Variants in LRCH1 observed in about 807,000 individuals in gnomAD.
The protein encoded by LRCH1 is leucine-rich repeat and calponin homology domain-containing protein 1.
A neutral mutation model predicts 94.9 loss-of-function variants in LRCH1; 23 were observed. That is an observed-to-expected ratio of 0.24 (90% confidence interval 0.17 to 0.34). LRCH1 has a LOEUF of 0.34. Among genes scored for constraint, LRCH1 ranks in the 10% least tolerant of loss-of-function variants. The pLI is 1.00. For missense variants in LRCH1, 790 were observed against 945.9 expected (o/e 0.84, Z 2.16); for synonymous variants, 364 against 354.9 (o/e 1.03, Z -0.29).
Position 46,701,149 on chromosome 13 carries a change from G to A in LRCH1, c.1342G>A (p.Asp448Asn). Residue 448 changes from aspartate to asparagine, a missense_variant, in exon 11 of 20, where the codon GAT (aspartate) becomes AAT (asparagine). By Grantham distance (23) the Asp-to-Asn change is conservative. Coordinates refer to ENST00000389797, the MANE Select transcript of LRCH1 (RefSeq NM_001164211.2). ...AAGTTCATCCAAAGATCAGGACATG[G>A]ATATAGCAATGATCGAGCAGCTGAG... is the stretch of plus-strand genomic sequence containing the variant. ...IISSSKDQDM[D>N]IAMIEQLREA... 1.2e-6 allele frequency: 2 copies of A among 1,613,620 alleles called. No homozygotes were observed. Among genetic ancestry groups the A allele is most frequent in the East Asian group, 4.5e-5 (2 of 44,858 alleles).
chr13:46,718,984 G>C (rs1872459955), intron 16 of LRCH1, among the ~76,000 whole-genome samples: 1 of 33,048 alleles, frequency 3.0e-5, no homozygotes, highest in Non-Finnish European at 8.4e-5. Flanking sequence ...TTCTTTCTTT[G>C]CTTGACTCAA....
chr13:46,574,822 GTTTTTTT>G (rs754195815), intron 1 of LRCH1, among the ~76,000 whole-genome samples: 1 of 69,424 alleles, frequency 1.4e-5, no homozygotes, highest in Admixed American at 1.4e-4. Flanking sequence ...TGTGTGTGGG[GTTTTTTT>G]TTTTTTTTTT....
chr13:46,744,827 G>C lies in LRCH1; in HGVS notation c.*2979G>C, dbSNP rs1306628030. The C allele has an allele frequency of 3.1e-6, 3 of 983,410 alleles. No individual in the cohort carries two copies. The highest frequency in any genetic ancestry group is 3.5e-5 in the African/African-American group (2 of 57,118). 60.9% of individuals were successfully genotyped at this position (983,410 alleles called of 1,614,324 possible). On this transcript the variant is annotated 3_prime_UTR_variant, in exon 20 of 20. Coordinates refer to ENST00000389797, the MANE Select transcript of LRCH1 (RefSeq NM_001164211.2). ...ATACTTTAATATGATTTTATTTCAG[G>C]AGACTTGATTTTTAAAAATTAGGCT...
At position 46,687,895 on chromosome 13, in the gene LRCH1, T is replaced by C; in HGVS notation, c.866T>C (p.Ile289Thr). ...GTTCACATATTTAAGTATCTGAGCATACAAGCATGCCAGATTAAGACAGCT... is the reference window on the plus strand; with the variant it reads ...GTTCACATATTTAAGTATCTGAGCACACAAGCATGCCAGATTAAGACAGCT... Reference protein sequence around the residue: ...GKVHIFKYLSIQACQIKTADS... With the variant: ...GKVHIFKYLSTQACQIKTADS... The change falls in exon 6 of 20, where the codon ATA (isoleucine) becomes ACA (threonine). Residue 289 changes from isoleucine (I) to threonine (T), a missense_variant. Coordinates refer to ENST00000389797, the MANE Select transcript of LRCH1 (RefSeq NM_001164211.2). 6.2e-7 allele frequency: 1 copy of C among 1,613,240 alleles called. No individual in the cohort carries two copies. Among genetic ancestry groups the C allele is most frequent in the Non-Finnish European group, 8.5e-7 (1 of 1,179,466 alleles).
At chr13:46,723,955 A>G (rs1872700343) in intron 17 of LRCH1, among the ~76,000 whole-genome samples, 1 of 152,088 alleles carries the variant, frequency 6.6e-6, no homozygotes, top group Admixed American at 6.6e-5. Flanking sequence ...TTATTTACTT[A>G]ATAATATTAA....
chr13:46,679,362 A>G lies in LRCH1; in HGVS notation c.580-2379A>G, dbSNP rs2051720010. The stretch of plus-strand genomic sequence containing the variant: ...GGCAAAGAAAGCTTTCATTGAAAGC[A>G]TTTGATTGTTGGCTCTTGTGACTGA... On this transcript the variant is annotated intron_variant, in intron 3 of 19. Coordinates refer to ENST00000389797, the MANE Select transcript of LRCH1 (RefSeq NM_001164211.2). Among the ~76,000 whole-genome samples the G allele has an allele frequency of 2.0e-5, 3 of 152,352 alleles. No individual in the cohort carries two copies. The South Asian group carries it at 6.2e-4, about 32-fold the overall frequency.
In LRCH1 at chr13:46,723,279, G is replaced by A; in HGVS notation, c.1818G>A (p.Arg606=). The A allele has an allele frequency of 6.2e-7, 1 of 1,613,944 alleles. No homozygotes were observed. The highest frequency in any genetic ancestry group is 2.2e-5 in the East Asian group (1 of 44,872). Residue 606 remains arginine (R), a synonymous_variant, in exon 17 of 20, where the codon AGG becomes AGA. Transcript: ENST00000389797. ...ESIDPQFTIR[R]KMEQMREEKE... ...TAGACCCGCAGTTTACAATCCGGAG[G>A]AAAATGGAGCAGATGAGAGAAGAGA...
chr13:46,641,553 T>A (rs56737291), intron 1 of LRCH1, among the ~76,000 whole-genome samples: 13,114 of 152,224 alleles, frequency 0.086, 666 homozygotes, highest in Middle Eastern at 0.16. Context: ...CATTTGGTCT[T>A]CCTCTGTGGA....
rs761120928 is a variant in LRCH1 at position 46,705,081 on chromosome 13, A to G, written c.1414A>G (p.Ile472Val). 4.4e-6 allele frequency: 7 copies of G among 1,583,782 alleles called. No homozygotes were observed. The African/African-American group carries it at 8.1e-5, about 18-fold the overall frequency. ...LQDPNGLSTDITERSVLNLYP... is the reference protein window; with the variant it reads ...LQDPNGLSTDVTERSVLNLYP... ...CCTACTCTTTAGATTAAGCACAGAT[A>G]TTACAGAGAGAAGTGTTTTAAACCT... is the stretch of plus-strand genomic sequence containing the variant. The change falls in exon 12 of 20, where the codon ATT (isoleucine) becomes GTT (valine). Residue 472 changes from isoleucine to valine, a missense_variant. By Grantham distance (29) the Ile-to-Val change is conservative. Around this residue, in one of 3 missense-constraint regions of LRCH1, gnomAD observed 460 missense variants for 508.9 expected, o/e 0.90. Coordinates refer to ENST00000389797, the MANE Select transcript of LRCH1 (RefSeq NM_001164211.2).
intron 1 of LRCH1, among the ~76,000 whole-genome samples, chr13:46,556,055 A>G (rs76703226): frequency 3.3e-5 from 5 of 152,244 alleles, no homozygotes; most frequent in Non-Finnish European, 5.9e-5. Flanking sequence ...TCCTTGACTC[A>G]TATTTACTTT....
intron 4 of LRCH1, among the ~76,000 whole-genome samples, chr13:46,684,985 G>A (rs1870531445): frequency 6.6e-6 from 1 of 152,184 alleles, no homozygotes; most frequent in African/African-American, 2.4e-5. Flanking sequence ...AGTGTCTTCA[G>A]TTACTCTTCT....
intron 1 of LRCH1, among the ~76,000 whole-genome samples, chr13:46,631,791 A>G (rs1486688290): frequency 1.3e-5 from 2 of 152,180 alleles, no homozygotes; most frequent in Non-Finnish European, 2.9e-5. Context: ...CACTAAACAC[A>G]ATCACAAGTT....
intron 1 of LRCH1, among the ~76,000 whole-genome samples, chr13:46,620,500 G>A (rs543010289): frequency 6.6e-6 from 1 of 152,264 alleles, no homozygotes; most frequent in Non-Finnish European, 1.5e-5. Flanking sequence ...TAAAATGAAA[G>A]TCTGTAGTAT....
At chr13:46,736,632 T>C (rs1165488905) in intron 19 of LRCH1, among the ~76,000 whole-genome samples, 1 of 152,240 alleles carries the variant, frequency 6.6e-6, no homozygotes, top group Non-Finnish European at 1.5e-5. Context: ...ATATCATTAC[T>C]TTTTCTTGTT....
At chr13:46,641,150 G>A (rs1184816895) in intron 1 of LRCH1, among the ~76,000 whole-genome samples, 3 of 152,134 alleles carry the variant, frequency 2.0e-5, no homozygotes, top group Admixed American at 2.0e-4. Flanking sequence ...TAGAGGAGTG[G>A]GAAGTGAGGG....
chr13:46,718,905 T>C (rs1872456881), intron 16 of LRCH1, among the ~76,000 whole-genome samples: 1 of 152,278 alleles, frequency 6.6e-6, no homozygotes, highest in Non-Finnish European at 1.5e-5. Flanking sequence ...ATATTTTTCA[T>C]ATGAAGATGC....
At chr13:46,574,885 C>A (rs1043413038) in intron 1 of LRCH1, among the ~76,000 whole-genome samples, 8 of 93,098 alleles carry the variant, frequency 8.6e-5, no homozygotes, top group Non-Finnish European at 1.7e-4. Flanking sequence ...TAATTTTTTC[C>A]TTGTGTGTTT....
intron 5 of LRCH1, among the ~76,000 whole-genome samples, chr13:46,687,488 T>C (rs1331917094): frequency 1.3e-5 from 2 of 152,250 alleles, no homozygotes; most frequent in Admixed American, 6.5e-5. Context: ...CTGAATTGCT[T>C]TCTATCAGCT....
chr13:46,566,750 A>G (rs1248976745), intron 1 of LRCH1, among the ~76,000 whole-genome samples: 1 of 152,216 alleles, frequency 6.6e-6, no homozygotes, highest in Non-Finnish European at 1.5e-5. Flanking sequence ...TGGCATTTCT[A>G]CAGATGGTCC....
Sources: gnomAD v4.1 joint callset for allele counts (sites outside exome capture counted in the v4.1 genomes callset) on GRCh38, gnomAD v4.1.1 for gene constraint, gnomAD v4.1.1 regional missense constraint, MANE v1.5 for transcripts, NCBI Gene and HGNC (gene_info 2026-07-23, HGNC 2026-07-21) for gene names.